The following CYREN variants were observed in gnomAD, a reference collection of about 807,000 sequenced individuals.
The protein encoded by CYREN is cell cycle regulator of non-homologous end joining.
Under a neutral mutation model 9.7 loss-of-function variants are expected in CYREN, and 7 were observed. That is an observed-to-expected ratio of 0.72 (90% confidence interval 0.41 to 1.36). CYREN has a LOEUF of 1.36. Ranked by LOEUF, CYREN falls within the 40% of genes most tolerant of loss-of-function variation. The pLI, the probability that CYREN is intolerant of heterozygous loss-of-function variation, is 0.01. For synonymous variants in CYREN, 76 were observed against 77.9 expected, an observed-to-expected ratio of 0.98 and a Z score of 0.13; for missense variants, 215 against 198.1, an observed-to-expected ratio of 1.09 and a Z score of -0.51.
chr7:135,130,695 G>C (rs1328089301), intron 2 of CYREN, among the ~76,000 whole-genome samples: 2 of 152,024 alleles, frequency 1.3e-5, no homozygotes, highest in Non-Finnish European at 2.9e-5. Context: ...TATGCATATA[G>C]TGACAGTATA....
At chr7:135,169,721 C>T (rs1830508043) in intron 1 of CYREN, among the ~76,000 whole-genome samples, 1 of 152,118 alleles carries the variant, frequency 6.6e-6, no homozygotes, top group Non-Finnish European at 1.5e-5. Context: ...TCAGTCCTCA[C>T]CCAGAGAGAT....
Position 135,168,781 on chromosome 7 carries a change from C to G in CYREN, c.137+5G>C. 16 of 1,613,544 alleles carry G rather than the reference C, an allele frequency of 9.9e-6. No homozygotes were observed. The highest frequency in any genetic ancestry group is 1.4e-5 in the Non-Finnish European group (16 of 1,179,704). The stretch of plus-strand genomic sequence containing the variant: ...GCAGGAGTCTTCTGACCAGAGCTGT[C>G]GCACCTTGCTGCTGCCACTGGCACT... On this transcript the variant is annotated splice_donor_5th_base_variant and intron_variant, in intron 2 of 3. Coordinates refer to ENST00000393114, the MANE Select transcript of CYREN (RefSeq NM_024033.4).
intron 2 of CYREN, among the ~76,000 whole-genome samples, chr7:135,146,205 G>A (rs569805778): frequency 2.6e-5 from 4 of 152,280 alleles, no homozygotes; most frequent in Admixed American, 6.5e-5. Flanking sequence ...ATGGAGGAAC[G>A]TCCAGTTGGT....
chr7:135,166,437 G>A lies in CYREN; in HGVS notation c.*174C>T. ...CGCACACTCAGAACGGCAGCCCCAA[G>A]GCCCGGAGTGTCCAGGGGCTTCTGG... On this transcript the variant is annotated 3_prime_UTR_variant, in exon 4 of 4. Transcript: ENST00000393114. The A allele has an allele frequency of 3.0e-6, 3 of 1,007,754 alleles. No individual in the cohort carries two copies. The highest frequency in any genetic ancestry group is 1.4e-6 in the Non-Finnish European group (1 of 716,308). The allele number at this position is 1,007,754 out of a possible 1,614,324, so 62.4% of individuals were successfully genotyped here.
chr7:135,128,313 A>C (rs1465067190), intron 2 of CYREN: 25 of 245,520 alleles, frequency 1.0e-4, no homozygotes, highest in Middle Eastern at 2.9e-3. Flanking sequence ...AAAAAAAAAA[A>C]AAAAAACGAA....
chr7:135,099,246 T>C (rs1229370709), intron 2 of CYREN, among the ~76,000 whole-genome samples: 2 of 152,162 alleles, frequency 1.3e-5, no homozygotes, highest in African/African-American at 2.4e-5. Flanking sequence ...GATCCTAACA[T>C]AGATAAATTC....
At chr7:135,155,710 G>A (rs1321463587) in intron 2 of CYREN, among the ~76,000 whole-genome samples, 1 of 152,140 alleles carries the variant, frequency 6.6e-6, no homozygotes, top group Non-Finnish European at 1.5e-5. Context: ...AATTAACCGG[G>A]CATGGTGGCA....
At chr7:135,112,745 G>T (rs1485201593) in intron 2 of CYREN, among the ~76,000 whole-genome samples, 2 of 152,140 alleles carry the variant, frequency 1.3e-5, no homozygotes, top group Non-Finnish European at 2.9e-5. Flanking sequence ...CAAAAATAGT[G>T]CCAGATACAT....
At chr7:135,164,664 G>A (rs1204371276), downstream of CYREN, 10 of 1,613,538 alleles carry the variant, frequency 6.2e-6, no homozygotes, top group Non-Finnish European at 7.6e-6. Context: ...AGCCCTGGGG[G>A]TGCCTCGGGT....
Position 135,166,540 on chromosome 7 carries a change from C to T in CYREN, c.*71G>A, listed in dbSNP as rs1009692643. 4.7e-5 allele frequency: 71 copies of T among 1,514,338 alleles called. No individual in the cohort carries two copies. The Admixed American group carries it at 7.5e-4, about 16-fold the overall frequency. 93.8% of individuals were successfully genotyped at this position (1,514,338 alleles called of 1,614,324 possible). A position where few individuals can be genotyped will look rare whatever the true frequency, so the allele number is the denominator to read the frequency against. On this transcript the variant is annotated 3_prime_UTR_variant, in exon 4 of 4. Transcript: ENST00000393114. Reference sequence around the variant, plus strand: ...GCCCCATTCCCACAGGCGGGCGGCCCAGCAGCACCAGTGGAAGCTCAGCTG... The same window carrying T: ...GCCCCATTCCCACAGGCGGGCGGCCTAGCAGCACCAGTGGAAGCTCAGCTG...
Position 135,166,727 on chromosome 7 carries a change from G to C in CYREN, c.358C>G (p.Pro120Ala), listed in dbSNP as rs143708624. Reference sequence around the variant, plus strand: ...GGCCTCTGGGAAGGGCTGAGGCCTGGAGCCAGTGCCTGTTTCCCACTGTCC... The same window carrying C: ...GGCCTCTGGGAAGGGCTGAGGCCTGCAGCCAGTGCCTGTTTCCCACTGTCC... ...EEDSGKQALA[P>A]GLSPSQRPGG... Residue 120 changes from proline (P) to alanine (A), a missense_variant, in exon 4 of 4, where the codon CCA becomes GCA. Physicochemically the swap from Pro to Ala is conservative, Grantham distance 27. Coordinates refer to ENST00000393114, the MANE Select transcript of CYREN (RefSeq NM_024033.4). 97 of 1,613,926 alleles carry C rather than the reference G, an allele frequency of 6.0e-5. No individual in the cohort carries two copies. In the African/African-American group the frequency reaches 1.2e-3, roughly 20 times the overall value.
At chr7:135,164,857 G>C, downstream of CYREN, 1 of 1,613,996 alleles carries the variant, frequency 6.2e-7, no homozygotes, top group Admixed American at 1.7e-5. Flanking sequence ...TCCTATGTGT[G>C]GAAGTGGGTC....
At chr7:135,118,754 C>CA (rs1166505043) in intron 2 of CYREN, among the ~76,000 whole-genome samples, 1 of 151,556 alleles carries the variant, frequency 6.6e-6, no homozygotes, top group Non-Finnish European at 1.5e-5. Context: ...TAAAATGCTT[C>CA]AAAAAACACT....
chr7:135,121,396 C>T (rs1286821325), intron 2 of CYREN, among the ~76,000 whole-genome samples: 2 of 152,086 alleles, frequency 1.3e-5, no homozygotes, highest in African/African-American at 2.4e-5. Context: ...CAGCACAGTA[C>T]ACATTATTTT....
chr7:135,116,471 T>C (rs890188899), intron 2 of CYREN, among the ~76,000 whole-genome samples: 3 of 152,320 alleles, frequency 2.0e-5, no homozygotes, highest in East Asian at 1.9e-4. Context: ...TACTGTGCAG[T>C]AGTAAAAACC....
intron 2 of CYREN, among the ~76,000 whole-genome samples, chr7:135,144,821 T>C (rs1489307849): frequency 1.3e-5 from 2 of 150,600 alleles, no homozygotes; most frequent in Non-Finnish European, 3.0e-5. Flanking sequence ...TAGTCCTAGC[T>C]ACTTAGGAGG....
intron 2 of CYREN, among the ~76,000 whole-genome samples, chr7:135,139,427 A>C (rs558824683): frequency 2.3e-4 from 34 of 148,452 alleles, no homozygotes; most frequent in Admixed American, 5.4e-4. Flanking sequence ...TTTTTTTTTT[A>C]ATGAGGTTGT....
chr7:135,108,803 C>A (rs778647600), intron 2 of CYREN, among the ~76,000 whole-genome samples: 3 of 152,158 alleles, frequency 2.0e-5, no homozygotes, highest in Non-Finnish European at 2.9e-5. Flanking sequence ...TTTTCCCTGT[C>A]CCTTTCAGGG....
At chr7:135,161,029 A>T (rs1370755043), downstream of CYREN, among the ~76,000 whole-genome samples, 3 of 152,204 alleles carry the variant, frequency 2.0e-5, no homozygotes, top group Non-Finnish European at 4.4e-5. The surrounding 1 kb of genome is among the most constrained non-coding windows in gnomAD (Gnocchi z 4.1). Flanking sequence ...CAAGAGGGGA[A>T]GCTGGGCCTC....
Sources: allele counts gnomAD v4.1 joint callset (sites outside exome capture counted in the v4.1 genomes callset), GRCh38; gene constraint gnomAD v4.1.1; non-coding constraint Gnocchi (gnomAD v3.1); transcripts MANE v1.5; gene names NCBI Gene and HGNC (gene_info 2026-07-23, HGNC 2026-07-21).